Variants in ZNF37A observed in about 807,000 individuals in gnomAD.
ZNF37A encodes zinc finger protein 37a (KOX 21).
Under a neutral mutation model 12.3 loss-of-function variants are expected in ZNF37A, and 10 were observed. That is an observed-to-expected ratio of 0.82 (90% confidence interval 0.50 to 1.38). The LOEUF is 1.38. Ranked by LOEUF, ZNF37A falls within the 40% of genes most tolerant of loss-of-function variation. The probability of loss-of-function intolerance (pLI) is 0.00; values close to 1 mark genes in which losing one functional copy is unlikely to be tolerated. For missense variants in ZNF37A, 580 were observed against 651.2 expected, an observed-to-expected ratio of 0.89 and a Z score of 1.19; for synonymous variants, 207 against 223.0, an observed-to-expected ratio of 0.93 and a Z score of 0.64.
exon 8 of ZNF37A, chr10:38,147,924 A>G (rs1363263541): frequency 2.0e-5 from 3 of 152,238 alleles, no homozygotes; most frequent in Non-Finnish European, 4.4e-5. Flanking sequence ...CCTTCAAAAA[A>G]TGTGGAAAAT....
At chr10:38,141,954 A>G (rs1356872776) in intron 7 of ZNF37A, 5 of 152,182 alleles carry the variant, frequency 3.3e-5, no homozygotes, top group African/African-American at 9.7e-5. Flanking sequence ...TACTAAAAAT[A>G]CAAAAAGTAA....
chr10:38,127,095 T>C (rs2069938920), downstream of ZNF37A, among the ~76,000 whole-genome samples: 1 of 152,166 alleles, frequency 6.6e-6, no homozygotes, highest in South Asian at 2.1e-4. Flanking sequence ...TACCAAATAA[T>C]TCATATGATG....
chr10:38,142,278 A>T (rs1469444752), intron 7 of ZNF37A: 4 of 152,196 alleles, frequency 2.6e-5, no homozygotes, highest in Non-Finnish European at 4.4e-5. Flanking sequence ...AAGGGAACTG[A>T]GGCCAGACCC....
In ZNF37A at chr10:38,112,019, C is replaced by A. The variant is rs370579456; in HGVS notation, c.16-2736C>A. 1.7e-4 allele frequency among the ~76,000 whole-genome samples: 25 copies of A among 150,652 alleles called. No individual in the cohort carries two copies. The East Asian group carries it at 4.5e-3, about 27-fold the overall frequency. On this transcript the variant is annotated intron_variant, in intron 5 of 7. Coordinates refer to ENST00000685332, the MANE Select transcript of ZNF37A (RefSeq NM_001324250.3). Reference sequence around the variant, plus strand: ...TCCGCCTCCCGGGTTTTTGCAGTCTCTATTTTAATTTCTAGTCATGTGTGG... The same window carrying A: ...TCCGCCTCCCGGGTTTTTGCAGTCTATATTTTAATTTCTAGTCATGTGTGG...
At chr10:38,134,821 T>A (rs1394536901) in intron 7 of ZNF37A, among the ~76,000 whole-genome samples, 1 of 152,250 alleles carries the variant, frequency 6.6e-6, no homozygotes, top group Non-Finnish European at 1.5e-5. Flanking sequence ...TCTTCGAAGC[T>A]GTCAGACAGG....
At chr10:38,096,849 CA>C (rs889514513) in intron 5 of ZNF37A, among the ~76,000 whole-genome samples, 5 of 151,806 alleles carry the variant, frequency 3.3e-5, no homozygotes, top group Non-Finnish European at 5.9e-5. Context: ...GGAAAAAAAA[CA>C]AGAATTATAT....
exon 8 of ZNF37A, chr10:38,148,168 A>G (rs2070278039): frequency 6.6e-6 from 1 of 152,128 alleles, no homozygotes; most frequent in Non-Finnish European, 1.5e-5. Flanking sequence ...AGAGACAGGC[A>G]TATTGGCATC....
intron 7 of ZNF37A, chr10:38,138,473 A>C (rs1224389427): frequency 1.3e-5 from 2 of 152,238 alleles, no homozygotes; most frequent in Non-Finnish European, 2.9e-5. Flanking sequence ...ACTTCATGGA[A>C]TATGTTTTTG....
At chr10:38,109,293 C>T (rs1590853053) in intron 5 of ZNF37A, among the ~76,000 whole-genome samples, 1 of 152,178 alleles carries the variant, frequency 6.6e-6, no homozygotes, top group African/African-American at 2.4e-5. Context: ...AACACCCCTT[C>T]ATGCTTAAAA....
intron 7 of ZNF37A, chr10:38,143,133 G>A (rs561751350): frequency 6.6e-6 from 1 of 152,030 alleles, no homozygotes; most frequent in East Asian, 2.0e-4. Flanking sequence ...TACACAGGGT[G>A]AGCACAGGCT....
At chr10:38,145,110 C>T (rs764845532) in intron 7 of ZNF37A, among the ~76,000 whole-genome samples, 12 of 152,262 alleles carry the variant, frequency 7.9e-5, no homozygotes, top group East Asian at 7.7e-4. Context: ...CAGTTTTGAA[C>T]GGCTTGGATG....
chr10:38,146,408 C>T (rs931621124), intron 7 of ZNF37A, among the ~76,000 whole-genome samples: 1 of 152,172 alleles, frequency 6.6e-6, no homozygotes, highest in Non-Finnish European at 1.5e-5. Flanking sequence ...GCCCAACCCA[C>T]AACAGGCGTT....
At chr10:38,111,785 A>G (rs2068677056) in intron 5 of ZNF37A, among the ~76,000 whole-genome samples, 1 of 152,152 alleles carries the variant, frequency 6.6e-6, no homozygotes, top group African/African-American at 2.4e-5. Flanking sequence ...GCTGGTGTTC[A>G]TCTGGGAATG....
At chr10:38,116,768 T>C (rs2069300351) in intron 7 of ZNF37A, among the ~76,000 whole-genome samples, 1 of 152,188 alleles carries the variant, frequency 6.6e-6, no homozygotes, top group African/African-American at 2.4e-5. Context: ...CACTCACTGA[T>C]TTCACTCTTA....
chr10:38,103,786 C>T (rs2067793310), intron 5 of ZNF37A, among the ~76,000 whole-genome samples: 1 of 152,096 alleles, frequency 6.6e-6, no homozygotes, highest in Non-Finnish European at 1.5e-5. Context: ...GTCACTGAAA[C>T]CTCTGTTCTA....
intron 7 of ZNF37A, among the ~76,000 whole-genome samples, chr10:38,132,841 G>A (rs1352016684): frequency 2.0e-5 from 3 of 150,870 alleles, no homozygotes; most frequent in Non-Finnish European, 2.9e-5. Context: ...TCATCTATAT[G>A]ATTGATCTAT....
chr10:38,122,734 A>G lies in ZNF37A; in HGVS notation c.*3897A>G, dbSNP rs796209930. The G allele has an allele frequency of 1.3e-5, 2 of 152,320 alleles. No individual in the cohort carries two copies. Among genetic ancestry groups the G allele is most frequent in the African/African-American group, 4.8e-5 (2 of 41,578 alleles). The allele number at this position is 152,320 out of a possible 1,614,324, so 9.4% of individuals were successfully genotyped here. Reference sequence around the variant, plus strand: ...AACTATGAAACAGCTAAAAGAAAACATCGGGGAATCTCTCCAGGACATTGG... The same window carrying G: ...AACTATGAAACAGCTAAAAGAAAACGTCGGGGAATCTCTCCAGGACATTGG... On this transcript the variant is annotated 3_prime_UTR_variant, in exon 8 of 8. Transcript: ENST00000685332.
At chr10:38,114,701 T>C (rs1353765941) in intron 5 of ZNF37A, 54 bp from the exon 6 acceptor site, 13 of 1,612,962 alleles carry the variant, frequency 8.1e-6, no homozygotes, top group Non-Finnish European at 1.1e-5. Context: ...AACATCTTTT[T>C]TCACGTCAAC....
At chr10:38,112,694 T>G (rs1341627495) in intron 5 of ZNF37A, among the ~76,000 whole-genome samples, 1 of 133,962 alleles carries the variant, frequency 7.5e-6, no homozygotes. Context: ...TGCAATTTTA[T>G]ATATTTAGAT....
Sources: allele counts gnomAD v4.1 joint callset (sites outside exome capture counted in the v4.1 genomes callset), GRCh38; gene constraint gnomAD v4.1.1; transcripts MANE v1.5; gene names NCBI Gene and HGNC (gene_info 2026-07-23, HGNC 2026-07-21).